Variants in PCDH11X observed in about 807,000 individuals in gnomAD.
PCDH11X encodes the protein protocadherin 11 X-linked.
PCDH11X carries 18 observed loss-of-function variants against 53.3 expected under a neutral mutation model. The ratio of observed to expected loss-of-function variants is 0.34; its 90% CI spans 0.23 to 0.50. PCDH11X has a LOEUF of 0.50. Ranked by LOEUF, PCDH11X falls within the 20% of genes least tolerant of loss-of-function variation. The pLI, the probability that PCDH11X is intolerant of heterozygous loss-of-function variation, is 0.98. For missense variants in PCDH11X, 570 were observed against 1,032.4 expected, an observed-to-expected ratio of 0.55 and a Z score of 6.14; for synonymous variants, 279 against 393.3, an observed-to-expected ratio of 0.71 and a Z score of 3.44.
chrX:91,802,444 C>T (rs751558032), intron 1 of PCDH11X, among the ~76,000 whole-genome samples: 2 of 111,672 alleles, frequency 1.8e-5, no homozygotes, highest in African/African-American at 6.5e-5. Context: ...AGAAATTTAT[C>T]TTTGCATATT....
rs192903512 is a variant in PCDH11X at position 91,886,709 on chromosome X, T to G, written c.3033+7436T>G. ...ATACTTGGCCGGGCGCGGTGGCTCA[T>G]GCCTGTATTCCCAGTACTTTGGGAG... is the stretch of plus-strand genomic sequence containing the variant. On this transcript the variant is annotated intron_variant, in intron 6 of 10. Coordinates refer to ENST00000682573, the MANE Select transcript of PCDH11X (RefSeq NM_032968.5). 2.7e-5 allele frequency among the ~76,000 whole-genome samples: 3 copies of G among 109,800 alleles called. No individual in the cohort carries two copies. In the East Asian group the frequency reaches 8.6e-4, roughly 31 times the overall value.
intron 6 of PCDH11X, among the ~76,000 whole-genome samples, chrX:92,083,661 T>C (rs2063899405): frequency 8.9e-6 from 1 of 111,806 alleles, no homozygotes; most frequent in Non-Finnish European, 1.9e-5. Flanking sequence ...CCTCTAAAAA[T>C]GTGTTTTACC....
intron 10 of PCDH11X, among the ~76,000 whole-genome samples, chrX:92,610,040 A>G (rs1190735373): frequency 8.9e-6 from 1 of 112,008 alleles, no homozygotes; most frequent in Non-Finnish European, 1.9e-5. Context: ...TATTGTGAAC[A>G]GTGCTGTGTC....
At chrX:92,316,663 T>G (rs2069083502) in intron 8 of PCDH11X, among the ~76,000 whole-genome samples, 1 of 110,891 alleles carries the variant, frequency 9.0e-6, no homozygotes, top group Admixed American at 9.6e-5. Flanking sequence ...GACCTTATGT[T>G]ATTTGTTTAT....
intron 6 of PCDH11X, among the ~76,000 whole-genome samples, chrX:91,892,751 G>T (rs1236861016): frequency 9.3e-6 from 1 of 108,107 alleles, no homozygotes; most frequent in Non-Finnish European, 1.9e-5. Context: ...GCCCAGGCTG[G>T]AGTGCAGTGG....
chrX:92,272,602 G>T (rs779879691), intron 8 of PCDH11X, among the ~76,000 whole-genome samples: 2 of 112,423 alleles, frequency 1.8e-5, no homozygotes, highest in Non-Finnish European at 3.8e-5. Context: ...GGTAAATTCT[G>T]CAGTCTAATG....
intron 6 of PCDH11X, among the ~76,000 whole-genome samples, chrX:91,932,265 A>T (rs1298903575): frequency 9.1e-6 from 1 of 110,354 alleles, no homozygotes; most frequent in Non-Finnish European, 1.9e-5. Context: ...AACATTGTGT[A>T]TGATTATGTG....
intron 10 of PCDH11X, among the ~76,000 whole-genome samples, chrX:92,482,232 G>A (rs185746295): frequency 2.0e-3 from 218 of 111,740 alleles, no homozygotes; most frequent in African/African-American, 6.8e-3. Context: ...CATCGTAGAT[G>A]TTAAATATTA....
chrX:92,134,291 GT>G (rs992586343), intron 6 of PCDH11X, among the ~76,000 whole-genome samples: 1 of 110,026 alleles, frequency 9.1e-6, no homozygotes, highest in African/African-American at 3.3e-5. Context: ...TTGTTTGTTT[GT>G]TTTTTTAATT....
chrX:92,242,202 C>A (rs193067741), intron 7 of PCDH11X, among the ~76,000 whole-genome samples: 1 of 110,642 alleles, frequency 9.0e-6, no homozygotes, highest in African/African-American at 3.3e-5. Flanking sequence ...TTATGCGTAA[C>A]CTCTGACGAC....
Position 92,202,310 on chromosome X carries a change from C to G in PCDH11X, c.3114+855C>G, listed in dbSNP as rs2066404113. On this transcript the variant is annotated intron_variant, in intron 7 of 10. Coordinates refer to ENST00000682573, the MANE Select transcript of PCDH11X (RefSeq NM_032968.5). ...GTGTTCCTAGAGGAAGGTCATATAC[C>G]AGTTAAATTCTACCATTTTGCCTCT... Among the ~76,000 whole-genome samples, 4 of 111,073 alleles carry G rather than the reference C, an allele frequency of 3.6e-5. No individual in the cohort carries two copies. The South Asian group carries it at 1.5e-3, about 43-fold the overall frequency.
At position 92,217,398 on chromosome X, in the gene PCDH11X, C is replaced by T. The variant is rs763964210; in HGVS notation, c.3114+15943C>T. On this transcript the variant is annotated intron_variant, in intron 7 of 10. Coordinates refer to ENST00000682573, the MANE Select transcript of PCDH11X (RefSeq NM_032968.5). Reference sequence around the variant, plus strand: ...GGAAAACAAAAAAAGGCAGGGGTTGCAATCCTAGTCTCTGATAAAACAGAC... The same window carrying T: ...GGAAAACAAAAAAAGGCAGGGGTTGTAATCCTAGTCTCTGATAAAACAGAC... Among the ~76,000 whole-genome samples the T allele has an allele frequency of 6.4e-4, 65 of 100,926 alleles. 1 individual carries two copies. Among genetic ancestry groups the T allele is most frequent in the Middle Eastern group, 5.2e-3 (1 of 194 alleles). 87.6% of individuals were successfully genotyped at this position (100,926 alleles called of 115,157 possible).
chrX:91,852,215 A>G, intron 5 of PCDH11X, among the ~76,000 whole-genome samples: 1 of 107,595 alleles, frequency 9.3e-6, no homozygotes, highest in South Asian at 4.2e-4. Flanking sequence ...GGGTTTCACC[A>G]TGTTGGCCAG....
At chrX:91,791,629 C>T (rs1352101244) in intron 1 of PCDH11X, among the ~76,000 whole-genome samples, 1 of 108,594 alleles carries the variant, frequency 9.2e-6, no homozygotes, top group Non-Finnish European at 1.9e-5. Flanking sequence ...TAGACTGTTT[C>T]CATGTACCTA....
chrX:92,540,340 C>T (rs180911902), intron 10 of PCDH11X, among the ~76,000 whole-genome samples: 7 of 109,419 alleles, frequency 6.4e-5, no homozygotes, highest in Non-Finnish European at 1.3e-4. Flanking sequence ...TGGCTACTAC[C>T]ACCACCAGCC....
chrX:92,054,496 T>C (rs1457865534), intron 6 of PCDH11X, among the ~76,000 whole-genome samples: 1 of 111,283 alleles, frequency 9.0e-6, no homozygotes, highest in Non-Finnish European at 1.9e-5. Flanking sequence ...TCACCAGAAG[T>C]TCAAGGAAGA....
At chrX:91,814,112 G>C (rs866231626) in intron 4 of PCDH11X, among the ~76,000 whole-genome samples, 1 of 108,005 alleles carries the variant, frequency 9.3e-6, no homozygotes, top group South Asian at 4.0e-4. Flanking sequence ...TCAACACAGT[G>C]CTGGATTACA....
intron 7 of PCDH11X, among the ~76,000 whole-genome samples, chrX:92,261,127 G>T (rs12156705): frequency 0.026 from 2,801 of 108,561 alleles, 39 homozygotes; most frequent in Non-Finnish European, 0.039. Flanking sequence ...CCAGCTACTT[G>T]CCTGCTTGCC....
chrX:92,028,824 A>G (rs1180242394), intron 6 of PCDH11X, among the ~76,000 whole-genome samples: 2 of 111,252 alleles, frequency 1.8e-5, no homozygotes, highest in Middle Eastern at 4.2e-3. Flanking sequence ...CTCACCAGGT[A>G]TAAACATTGG....
Sources: allele counts gnomAD v4.1 joint callset (sites outside exome capture counted in the v4.1 genomes callset), GRCh38; gene constraint gnomAD v4.1.1; transcripts MANE v1.5; gene names NCBI Gene and HGNC (gene_info 2026-07-23, HGNC 2026-07-21).